Variants in EXTL3 observed in about 807,000 individuals in gnomAD.
EXTL3 encodes the protein exostosin-like 3.
Under a neutral mutation model 69.3 loss-of-function variants are expected in EXTL3, and 27 were observed. The ratio of observed to expected loss-of-function variants is 0.39; its 90% CI spans 0.29 to 0.54. The LOEUF is 0.54. EXTL3 is among the 20% of genes least tolerant of loss of function. The probability of loss-of-function intolerance (pLI) is 0.69; values close to 1 mark genes in which losing one functional copy is unlikely to be tolerated. For synonymous variants in EXTL3, 511 were observed against 499.4 expected (o/e 1.02, Z -0.31); for missense variants, 1,003 against 1,231.8 (o/e 0.81, Z 2.78).
chr8:28,717,127 C>G lies in EXTL3; in HGVS notation c.1068C>G (p.Ser356Arg), dbSNP rs771685665. 2.4e-5 allele frequency: 38 copies of G among 1,614,116 alleles called. No individual in the cohort carries two copies. The highest frequency in any genetic ancestry group is 2.9e-5 in the Non-Finnish European group (34 of 1,180,040). Reference sequence around the variant, plus strand: ...AGAAGATTGAGTCTCTGAGGTCTAGCCTTCAGGAGGCCCGCTCCTTCGAAG... The same window carrying G: ...AGAAGATTGAGTCTCTGAGGTCTAGGCTTCAGGAGGCCCGCTCCTTCGAAG... ...QGEKIESLRS[S>R]LQEARSFEEE... Residue 356 changes from serine (S) to arginine (R), a missense_variant, in exon 3 of 7, where the codon AGC becomes AGG. Physicochemically the swap from Ser to Arg is moderately radical, Grantham distance 110. This residue lies in a region of EXTL3 where 742 missense variants were observed against 815.4 expected (regional missense o/e 0.91). Transcript: ENST00000220562. This position sits in a 1 kb window ranked among gnomAD's most constrained non-coding sequence, Gnocchi z 8.3.
intron 1 of EXTL3, among the ~76,000 whole-genome samples, chr8:28,660,764 T>G (rs182366763): frequency 8.7e-4 from 131 of 150,578 alleles, no homozygotes; most frequent in Non-Finnish European, 4.3e-4. Flanking sequence ...CTATTCTGTG[T>G]GCCTCACATA....
chr8:28,718,372 T>A (rs1801213605), intron 3 of EXTL3, among the ~76,000 whole-genome samples, 165 bp downstream of exon 3: 1 of 152,188 alleles, frequency 6.6e-6, no homozygotes, highest in Non-Finnish European at 1.5e-5. Flanking sequence ...AGGGTTTGCT[T>A]GCTGCTTTTT....
At chr8:28,713,178 C>A (rs967749204) in intron 1 of EXTL3, among the ~76,000 whole-genome samples, 2 of 152,098 alleles carry the variant, frequency 1.3e-5, no homozygotes, top group African/African-American at 2.4e-5. Flanking sequence ...GGTTTTATTC[C>A]CCCTTAGAGC....
chr8:28,731,685 C>T (rs537526442), intron 4 of EXTL3, among the ~76,000 whole-genome samples: 7 of 151,960 alleles, frequency 4.6e-5, no homozygotes, highest in Non-Finnish European at 7.4e-5. Context: ...GTAGAGGCAA[C>T]GGGTAGGGTA....
chr8:28,735,614 CATCCTTTG>C (rs1801634881), intron 4 of EXTL3, among the ~76,000 whole-genome samples: 1 of 152,200 alleles, frequency 6.6e-6, no homozygotes, highest in Non-Finnish European at 1.5e-5. Flanking sequence ...TGCATTTGGG[CATCCTTTG>C]ATCTAAAACC....
chr8:28,748,413 T>C (rs973422054), intron 6 of EXTL3, among the ~76,000 whole-genome samples: 1 of 151,996 alleles, frequency 6.6e-6, no homozygotes, highest in Non-Finnish European at 1.5e-5. Context: ...TTTTGTACTA[T>C]AGTGGATTAG....
chr8:28,722,189 G>A (rs567498376), intron 3 of EXTL3, among the ~76,000 whole-genome samples: 2 of 152,320 alleles, frequency 1.3e-5, no homozygotes, highest in African/African-American at 4.8e-5. Flanking sequence ...GCGTTTGAAG[G>A]AGGTTGGAGA....
At chr8:28,618,236 G>T (rs1563425742), upstream of EXTL3, among the ~76,000 whole-genome samples, 1 of 152,042 alleles carries the variant, frequency 6.6e-6, no homozygotes, top group Non-Finnish European at 1.5e-5. Flanking sequence ...GGAGGCAGAG[G>T]CGGGTGGGTC....
chr8:28,613,171 A>ATTTTG (rs1251492359), intron 2 of EXTL3, among the ~76,000 whole-genome samples: 36 of 151,234 alleles, frequency 2.4e-4, no homozygotes, highest in African/African-American at 8.7e-4. Context: ...TTTTTTTGGT[A>ATTTTG]TTTTGTTTTG....
intron 1 of EXTL3, among the ~76,000 whole-genome samples, chr8:28,675,767 A>G (rs1050449321): frequency 8.5e-5 from 13 of 152,176 alleles, no homozygotes; most frequent in African/African-American, 2.9e-4. Flanking sequence ...CATGCCTGTA[A>G]TCCCAGCACT....
chr8:28,724,855 G>A (rs562130070), intron 3 of EXTL3, among the ~76,000 whole-genome samples: 5 of 151,958 alleles, frequency 3.3e-5, no homozygotes, highest in African/African-American at 7.2e-5. Context: ...TCTCTCTGTC[G>A]CTCACCTCCC....
intron 1 of EXTL3, among the ~76,000 whole-genome samples, chr8:28,665,905 G>A (rs183237003): frequency 6.6e-6 from 1 of 152,328 alleles, no homozygotes; most frequent in East Asian, 1.9e-4. Flanking sequence ...TTATCCTAAT[G>A]ATTGCCATGG....
chr8:28,737,373 G>A, intron 4 of EXTL3, 146 bp from the exon 5 acceptor site: 1 of 852,262 alleles, frequency 1.2e-6, no homozygotes, highest in Non-Finnish European at 1.9e-6. Context: ...TGTTTGGCTT[G>A]TTGTTGATTT....
At chr8:28,662,052 T>G (rs994616530) in intron 1 of EXTL3, among the ~76,000 whole-genome samples, 100 of 151,876 alleles carry the variant, frequency 6.6e-4, no homozygotes, top group African/African-American at 2.1e-3. Flanking sequence ...AATATGTGTA[T>G]AGATGTATGT....
chr8:28,611,597 CT>C (rs1806271830), intron 2 of EXTL3, among the ~76,000 whole-genome samples: 1 of 152,152 alleles, frequency 6.6e-6, no homozygotes, highest in Non-Finnish European at 1.5e-5. Flanking sequence ...AGAGCATGAT[CT>C]CCATGCTTTC....
chr8:28,634,995 G>A (rs377546373), intron 1 of EXTL3, among the ~76,000 whole-genome samples: 6 of 152,022 alleles, frequency 3.9e-5, no homozygotes, highest in Admixed American at 6.6e-5. Flanking sequence ...TAGCGATGAC[G>A]TTGTAAACTT....
chr8:28,639,574 A>G (rs1806711522), intron 1 of EXTL3, among the ~76,000 whole-genome samples: 1 of 151,752 alleles, frequency 6.6e-6, no homozygotes, highest in Non-Finnish European at 1.5e-5. Flanking sequence ...CTGCCTGCCT[A>G]CCTCTTTATA....
intron 1 of EXTL3, among the ~76,000 whole-genome samples, chr8:28,655,435 T>C (rs540449699): frequency 2.6e-5 from 4 of 152,130 alleles, no homozygotes; most frequent in Admixed American, 1.3e-4. Flanking sequence ...CTGAAACCCA[T>C]GCTCTTGTGA....
chr8:28,608,024 G>T (rs377100971), intron 2 of EXTL3, among the ~76,000 whole-genome samples: 8 of 151,556 alleles, frequency 5.3e-5, no homozygotes, highest in African/African-American at 1.7e-4. Flanking sequence ...GCAGGAGAAT[G>T]GTGTGAACCC....
Sources: gnomAD v4.1 joint callset for allele counts (sites outside exome capture counted in the v4.1 genomes callset) on GRCh38, gnomAD v4.1.1 for gene constraint, gnomAD v4.1.1 regional missense constraint, Gnocchi (gnomAD v3.1) non-coding constraint, MANE v1.5 for transcripts, NCBI Gene and HGNC (gene_info 2026-07-23, HGNC 2026-07-21) for gene names.